Variants in DPT observed in about 807,000 individuals in gnomAD.
DPT encodes tyrosine-rich acidic matrix protein.
In DPT, 21 loss-of-function variants were observed where a neutral mutation model predicts 31.2. The ratio of observed to expected loss-of-function variants is 0.67; its 90% CI spans 0.48 to 0.97. DPT has a LOEUF of 0.97. Ranked by LOEUF, DPT falls within the 50% of genes least tolerant of loss-of-function variation. DPT has a pLI of 0.00. For missense variants in DPT, 262 were observed against 258.8 expected, an observed-to-expected ratio of 1.01 and a Z score of -0.08; for synonymous variants, 91 against 86.9, an observed-to-expected ratio of 1.05 and a Z score of -0.26.
At chr1:168,727,749 G>A (rs930806975) in intron 1 of DPT, among the ~76,000 whole-genome samples, 15 of 151,722 alleles carry the variant, frequency 9.9e-5, no homozygotes, top group African/African-American at 3.6e-4. Context: ...TGTTCCCTAG[G>A]CTGGTCTCGA....
chr1:168,702,298 GA>G (rs1403905703), intron 2 of DPT, among the ~76,000 whole-genome samples: 2 of 152,196 alleles, frequency 1.3e-5, no homozygotes, highest in Non-Finnish European at 2.9e-5. Context: ...ATTAAATCAT[GA>G]AAAGATTGAT....
chr1:168,715,942 C>A (rs910697335), intron 1 of DPT, among the ~76,000 whole-genome samples: 6 of 152,224 alleles, frequency 3.9e-5, no homozygotes, highest in East Asian at 1.9e-4. Flanking sequence ...TGGAATGCAA[C>A]CTTGTATTTC....
rs903984781 is a variant in DPT, at chr1:168,718,204, A to G, written c.306-3858T>C. Among the ~76,000 whole-genome samples the G allele has an allele frequency of 2.6e-5, 4 of 152,322 alleles. No homozygotes were observed. The East Asian group carries it at 7.7e-4, about 29-fold the overall frequency. Reference sequence around the variant, plus strand: ...GTACTCAGACCCCTATAGGGGACAGAGCTCCCATGGGGGTAAGTTCCCCTA... The same window carrying G: ...GTACTCAGACCCCTATAGGGGACAGGGCTCCCATGGGGGTAAGTTCCCCTA... On this transcript the variant is annotated intron_variant, in intron 1 of 3. Transcript: ENST00000367817.
intron 2 of DPT, among the ~76,000 whole-genome samples, chr1:168,706,389 C>T (rs191305923): frequency 2.0e-5 from 3 of 152,250 alleles, no homozygotes; most frequent in Admixed American, 1.3e-4. Flanking sequence ...TCCAAGTAAG[C>T]TATAAGGAAT....
In DPT at chr1:168,696,116, A is replaced by G. The variant is rs561760295; in HGVS notation, c.*433T>C. On this transcript the variant is annotated 3_prime_UTR_variant, in exon 4 of 4. Coordinates refer to ENST00000367817, the MANE Select transcript of DPT (RefSeq NM_001937.5). ...CCTGCTTTTGGTGGGGAACCTACGT[A>G]TCATTCAAACAGGCTTAGCTGTAGA... 15 of 403,590 alleles carry G rather than the reference A, an allele frequency of 3.7e-5. No individual in the cohort carries two copies. In the South Asian group the frequency reaches 1.7e-3, roughly 46 times the overall value. 25.0% of individuals were successfully genotyped at this position (403,590 alleles called of 1,614,324 possible). A position where few individuals can be genotyped will look rare whatever the true frequency, so the allele number is the denominator to read the frequency against.
chr1:168,714,314 G>T lies in DPT; in HGVS notation c.338C>A (p.Ala113Glu). 6.2e-7 allele frequency: 1 copy of T among 1,614,020 alleles called. No homozygotes were observed. Among genetic ancestry groups the T allele is most frequent in the Non-Finnish European group, 8.5e-7 (1 of 1,180,016 alleles). ...YQTCSNNGLV[A>E]GFQSRYFESV... ...CTCGAAGTAGCGGCTCTGGAATCCTGCCACCAGCCCATTGTTGGAGCACGT... is the reference window on the plus strand; with the variant it reads ...CTCGAAGTAGCGGCTCTGGAATCCTTCCACCAGCCCATTGTTGGAGCACGT... Residue 113 changes from alanine to glutamate, a missense_variant, in exon 2 of 4, where the codon GCA becomes GAA. By Grantham distance (107) the Ala-to-Glu change is moderately radical. Transcript: ENST00000367817.
At chr1:168,725,394 T>C (rs1169580449) in intron 1 of DPT, among the ~76,000 whole-genome samples, 1 of 151,740 alleles carries the variant, frequency 6.6e-6, no homozygotes, top group African/African-American at 2.4e-5. Context: ...ATGTCACAGA[T>C]ACAAGCAGGA....
intron 3 of DPT, among the ~76,000 whole-genome samples, chr1:168,699,986 T>C (rs1649556295): frequency 6.6e-6 from 1 of 152,224 alleles, no homozygotes; most frequent in Admixed American, 6.5e-5. Context: ...TGTTTTTATC[T>C]TTAGGCCATT....
Position 168,714,408 on chromosome 1 carries a change from G to A in DPT, c.306-62C>T, listed in dbSNP as rs1053314829. ...GACACATACACAGACCCCTTCCCAA[G>A]ACCCCACTGCCACAGTTACACACTC... is the stretch of plus-strand genomic sequence containing the variant. On this transcript the variant is annotated intron_variant, in intron 1 of 3. Coordinates refer to ENST00000367817, the MANE Select transcript of DPT (RefSeq NM_001937.5). 1.9e-6 allele frequency: 3 copies of A among 1,601,006 alleles called. No individual in the cohort carries two copies. The African/African-American group carries it at 4.0e-5, about 21-fold the overall frequency.
At chr1:168,717,129 C>T (rs1447470317) in intron 1 of DPT, among the ~76,000 whole-genome samples, 1 of 152,248 alleles carries the variant, frequency 6.6e-6, no homozygotes, top group African/African-American at 2.4e-5. Context: ...GGAATCACCA[C>T]ATTGCCTTCT....
At chr1:168,724,946 G>A (rs1220231122) in intron 1 of DPT, among the ~76,000 whole-genome samples, 1 of 152,056 alleles carries the variant, frequency 6.6e-6, no homozygotes, top group African/African-American at 2.4e-5. Flanking sequence ...TTGAAGCCCG[G>A]GGTAAAAAGT....
intron 2 of DPT, among the ~76,000 whole-genome samples, chr1:168,706,133 A>G (rs1266815926): frequency 6.6e-6 from 1 of 152,236 alleles, no homozygotes; most frequent in Admixed American, 6.5e-5. Flanking sequence ...ACTGTATAAC[A>G]TCATGATGGC....
intron 2 of DPT, among the ~76,000 whole-genome samples, chr1:168,702,468 A>G (rs1398508632): frequency 6.6e-6 from 1 of 152,170 alleles, no homozygotes; most frequent in African/African-American, 2.4e-5. Context: ...ATGCTCTATC[A>G]GGATGCCAAG....
intron 2 of DPT, among the ~76,000 whole-genome samples, chr1:168,703,894 G>T (rs900857691): frequency 6.6e-6 from 1 of 152,160 alleles, no homozygotes; most frequent in Non-Finnish European, 1.5e-5. Flanking sequence ...GATATATGTG[G>T]CTGCATTTAG....
Position 168,695,985 on chromosome 1 carries a change from T to A in DPT, c.*564A>T. The A allele has an allele frequency of 2.6e-6, 1 of 390,280 alleles. No individual in the cohort carries two copies. Among genetic ancestry groups the A allele is most frequent in the Admixed American group, 4.4e-5 (1 of 22,500 alleles). 24.2% of individuals were successfully genotyped at this position (390,280 alleles called of 1,614,324 possible). ...AACCCTTCCATTTCCCCATTTCACCTCCCAGTCTCCTCACTCCTGGAGCAA... is the reference window on the plus strand; with the variant it reads ...AACCCTTCCATTTCCCCATTTCACCACCCAGTCTCCTCACTCCTGGAGCAA... On this transcript the variant is annotated 3_prime_UTR_variant, in exon 4 of 4. Coordinates refer to ENST00000367817, the MANE Select transcript of DPT (RefSeq NM_001937.5).
At chr1:168,702,378 TC>T (rs1447586304) in intron 2 of DPT, among the ~76,000 whole-genome samples, 2 of 152,180 alleles carry the variant, frequency 1.3e-5, no homozygotes, top group Non-Finnish European at 2.9e-5. Flanking sequence ...GTTAGCTCAT[TC>T]TCTTGGTTCA....
chr1:168,722,038 T>A lies in DPT; in HGVS notation c.305+6832A>T, dbSNP rs912342747. Reference sequence around the variant, plus strand: ...CCTCCAAAAATACAAATTCCTCAGGTTTTTTTGGAAAAATACAGGCAGGAG... The same window carrying A: ...CCTCCAAAAATACAAATTCCTCAGGATTTTTTGGAAAAATACAGGCAGGAG... On this transcript the variant is annotated intron_variant, in intron 1 of 3. Transcript: ENST00000367817. Among the ~76,000 whole-genome samples, 40 of 152,090 alleles carry A rather than the reference T, an allele frequency of 2.6e-4. 1 individual carries two copies. The highest frequency in any genetic ancestry group is 1.9e-4 in the East Asian group (1 of 5,202).
intron 1 of DPT, among the ~76,000 whole-genome samples, chr1:168,715,394 A>G (rs1440584638): frequency 6.7e-6 from 1 of 150,252 alleles, no homozygotes; most frequent in Admixed American, 6.6e-5. Context: ...GTGGATTTCC[A>G]CTGTTCTTGC....
At chr1:168,708,026 A>T (rs910577055) in intron 2 of DPT, among the ~76,000 whole-genome samples, 1 of 152,154 alleles carries the variant, frequency 6.6e-6, no homozygotes, top group Non-Finnish European at 1.5e-5. Context: ...CAAGTCCTTG[A>T]TCTAAAATGG....
Sources: gnomAD v4.1 joint callset for allele counts (sites outside exome capture counted in the v4.1 genomes callset) on GRCh38, gnomAD v4.1.1 for gene constraint, MANE v1.5 for transcripts, NCBI Gene and HGNC (gene_info 2026-07-23, HGNC 2026-07-21) for gene names.